The following PCNX2 variants were observed in gnomAD, a reference collection of about 807,000 sequenced individuals.
PCNX2 encodes the protein pecanex 2.
A neutral mutation model predicts 223.8 loss-of-function variants in PCNX2; 168 were observed. The observed-to-expected ratio is 0.75, with a 90% CI of 0.66 to 0.85. The LOEUF (loss-of-function observed/expected upper bound fraction) is 0.85, where lower values mean the gene tolerates loss of function less well. Among genes scored for constraint, PCNX2 ranks in the 40% least tolerant of loss-of-function variants. PCNX2 has a pLI of 0.00. For synonymous variants in PCNX2, 1,006 were observed against 1,052.6 expected (o/e 0.96, Z 0.86); for missense variants, 2,507 against 2,675.5 (o/e 0.94, Z 1.39).
At chr1:233,183,331 T>C (rs1485119471) in intron 15 of PCNX2, among the ~76,000 whole-genome samples, 2 of 152,140 alleles carry the variant, frequency 1.3e-5, no homozygotes, top group Non-Finnish European at 2.9e-5. Flanking sequence ...AGGGGCAACC[T>C]TACATGTTTC....
intron 12 of PCNX2, chr1:233,210,584 T>A: frequency 1.0e-6 from 1 of 985,358 alleles, no homozygotes; most frequent in Non-Finnish European, 1.2e-6. Context: ...TGGCCACTAC[T>A]TCTGTTTGCC....
At chr1:233,189,028 T>G (rs916433611) in intron 15 of PCNX2, among the ~76,000 whole-genome samples, 1 of 152,200 alleles carries the variant, frequency 6.6e-6, no homozygotes, top group African/African-American at 2.4e-5. Context: ...CAGGCCATCT[T>G]AGAATTCAGC....
chr1:233,313,373 G>C, the PCNX2 span, among the ~76,000 whole-genome samples: 14 of 152,308 alleles, frequency 9.2e-5, no homozygotes, highest in East Asian at 1.5e-3. Context: ...TTGTGGCATG[G>C]GGGGATAGGT....
Position 233,160,364 on chromosome 1 carries a change from G to C in PCNX2, c.3436C>G (p.Gln1146Glu), listed in dbSNP as rs1400173882. Reference sequence around the variant, plus strand: ...ATCCAGGGATGATGCTTGCGGAGCTGAGGGAGCACGTAATGTGTTACAAAC... The same window carrying C: ...ATCCAGGGATGATGCTTGCGGAGCTCAGGGAGCACGTAATGTGTTACAAAC... Reference protein sequence around the residue: ...VGFVTHYVLPQLRKHHPWMWI... With the variant: ...VGFVTHYVLPELRKHHPWMWI... The change falls in exon 19 of 34, where the codon CAG (glutamine) becomes GAG (glutamate). Residue 1146 changes from glutamine (Q) to glutamate (E), a missense_variant. Gln to Glu is a conservative substitution (Grantham distance 29). This residue lies in a region of PCNX2 where 1,372 missense variants were observed against 1,509.4 expected (regional missense o/e 0.91). Coordinates refer to ENST00000258229, the MANE Select transcript of PCNX2 (RefSeq NM_014801.4). 1 of 1,613,312 alleles carries C rather than the reference G, an allele frequency of 6.2e-7. No homozygotes were observed. Among genetic ancestry groups the C allele is most frequent in the African/African-American group, 1.3e-5 (1 of 74,858 alleles).
intron 25 of PCNX2, among the ~76,000 whole-genome samples, chr1:233,028,970 C>G (rs1671176796): frequency 6.6e-6 from 1 of 151,716 alleles, no homozygotes; most frequent in African/African-American, 2.4e-5. Flanking sequence ...TCCTGAGTAG[C>G]TGGGATTACA....
At chr1:233,197,446 A>G (rs1680802317) in intron 15 of PCNX2, among the ~76,000 whole-genome samples, 1 of 152,178 alleles carries the variant, frequency 6.6e-6, no homozygotes, top group South Asian at 2.1e-4. Context: ...TCCTAAATGA[A>G]GTATACCTGG....
chr1:233,313,448 T>C, the PCNX2 span, among the ~76,000 whole-genome samples: 1 of 152,110 alleles, frequency 6.6e-6, no homozygotes, highest in Non-Finnish European at 1.5e-5. Context: ...AGAAAACCTA[T>C]GGAAAATAAT....
chr1:233,227,467 T>C, intron 9 of PCNX2, 96 bp from the exon 10 acceptor site: 2 of 1,052,390 alleles, frequency 1.9e-6, no homozygotes, highest in Non-Finnish European at 2.6e-6. Context: ...CACACACATA[T>C]ATATGTACAC....
rs1662021617 is a variant in PCNX2, at chr1:233,295,386, G to T, written c.93C>A (p.Thr31=). ...GCCACAGGTAGAGGTGGCAGCTGTT[G>T]GTGAACTTGCTCTGCTCCGGGTCGT... ...WYHDPEQSKF[T]NSCHLYLWLF... The change falls in exon 1 of 34, where the codon ACC becomes ACA. Residue 31 remains threonine, a synonymous_variant. Coordinates refer to ENST00000258229, the MANE Select transcript of PCNX2 (RefSeq NM_014801.4). The surrounding 1 kb of genome is among the most constrained non-coding windows in gnomAD (Gnocchi z 4.1). 7.7e-6 allele frequency: 12 copies of T among 1,558,608 alleles called. No individual in the cohort carries two copies. The highest frequency in any genetic ancestry group is 1.0e-5 in the Non-Finnish European group (12 of 1,150,928).
rs543875522 is a variant in PCNX2, at chr1:233,060,408, T to C, written c.4077-3118A>G. 2.0e-5 allele frequency among the ~76,000 whole-genome samples: 3 copies of C among 152,346 alleles called. No individual in the cohort carries two copies. The South Asian group carries it at 6.2e-4, about 32-fold the overall frequency. ...GGAACTAAAACACCTTCTAAAACTATGTTCACTGGAAAGCTATCTTTTCAG... is the reference window on the plus strand; with the variant it reads ...GGAACTAAAACACCTTCTAAAACTACGTTCACTGGAAAGCTATCTTTTCAG... On this transcript the variant is annotated intron_variant, in intron 23 of 33. Coordinates refer to ENST00000258229, the MANE Select transcript of PCNX2 (RefSeq NM_014801.4).
Position 233,179,048 on chromosome 1 carries a change from C to T in PCNX2, c.3176+18G>A. On this transcript the variant is annotated intron_variant, in intron 16 of 33. Transcript: ENST00000258229. ...CCCCCAGCTCAGTGATGAGAGAGCA[C>T]AGGCATAGACCACTCACATGAGTAC... The T allele has an allele frequency of 6.2e-7, 1 of 1,601,924 alleles. No homozygotes were observed. Among genetic ancestry groups the T allele is most frequent in the African/African-American group, 1.3e-5 (1 of 74,874 alleles).
At position 233,295,398 on chromosome 1, in the gene PCNX2, C is replaced by G; in HGVS notation, c.81G>C (p.Gln27His). Residue 27 changes from glutamine (Q) to histidine (H), a missense_variant, in exon 1 of 34, where the codon CAG becomes CAC. This residue lies in a region of PCNX2 where 1,031 missense variants were observed against 1,021.7 expected (regional missense o/e 1.01). Transcript: ENST00000258229. This position sits in a 1 kb window ranked among gnomAD's most constrained non-coding sequence, Gnocchi z 4.1. ...LTGGWYHDPE[Q>H]SKFTNSCHLY... ...GGTGGCAGCTGTTGGTGAACTTGCT[C>G]TGCTCCGGGTCGTGGTACCAGCCCC... 1.3e-6 allele frequency: 2 copies of G among 1,555,036 alleles called. No homozygotes were observed. The highest frequency in any genetic ancestry group is 1.7e-6 in the Non-Finnish European group (2 of 1,148,946).
At chr1:233,032,910 G>A (rs1671319349) in intron 25 of PCNX2, 1 of 859,896 alleles carries the variant, frequency 1.2e-6, no homozygotes, top group South Asian at 5.4e-5. Flanking sequence ...TCACACTCAG[G>A]ATCATATTAA....
chr1:233,311,879 G>A, the PCNX2 span, among the ~76,000 whole-genome samples: 1 of 152,252 alleles, frequency 6.6e-6, no homozygotes, highest in Non-Finnish European at 1.5e-5. Context: ...CAGCATTTTG[G>A]GAGGCTGAGG....
chr1:232,985,564 T>G, intron 33 of PCNX2: 1 of 190,800 alleles, frequency 5.2e-6, no homozygotes, highest in Non-Finnish European at 1.1e-5. Flanking sequence ...TGGTTTGGGA[T>G]TCTGGACAAG....
At chr1:233,288,720 A>T in intron 1 of PCNX2, 1 of 578,132 alleles carries the variant, frequency 1.7e-6, no homozygotes, top group South Asian at 2.5e-5. Context: ...ATTGAGAGAC[A>T]ACTGCATGGG....
At chr1:233,310,836 C>G in the PCNX2 span, among the ~76,000 whole-genome samples, 6 of 152,112 alleles carry the variant, frequency 3.9e-5, no homozygotes, top group Non-Finnish European at 1.5e-5. Context: ...CTGGTGTGTG[C>G]AGGTCACATG....
chr1:233,019,196 C>T, intron 26 of PCNX2: 1 of 985,424 alleles, frequency 1.0e-6, no homozygotes, highest in East Asian at 1.1e-4. Flanking sequence ...ACAGCCTGGA[C>T]TTTGGGGAGG....
chr1:233,121,904 C>T (rs748033671), intron 21 of PCNX2, among the ~76,000 whole-genome samples: 12 of 152,230 alleles, frequency 7.9e-5, no homozygotes, highest in Admixed American at 3.9e-4. Flanking sequence ...CTGAGAATGC[C>T]TAGATGCAAT....
Sources: allele counts gnomAD v4.1 joint callset (sites outside exome capture counted in the v4.1 genomes callset), GRCh38; gene constraint gnomAD v4.1.1; regional missense constraint gnomAD v4.1.1; non-coding constraint Gnocchi (gnomAD v3.1); transcripts MANE v1.5; gene names NCBI Gene and HGNC (gene_info 2026-07-23, HGNC 2026-07-21).